Variants in ARHGAP39 observed in about 807,000 individuals in gnomAD.
The protein encoded by ARHGAP39 is rho GTPase-activating protein 39.
Under a neutral mutation model 106.9 loss-of-function variants are expected in ARHGAP39, and 44 were observed. The observed-to-expected ratio is 0.41, with a 90% CI of 0.32 to 0.53. The LOEUF is 0.53. Ranked by LOEUF, ARHGAP39 falls within the 20% of genes least tolerant of loss-of-function variation. The pLI, the probability that ARHGAP39 is intolerant of heterozygous loss-of-function variation, is 0.21. For missense variants in ARHGAP39, 1,496 were observed against 1,577.3 expected, an observed-to-expected ratio of 0.95 and a Z score of 0.87; for synonymous variants, 768 against 693.2, an observed-to-expected ratio of 1.11 and a Z score of -1.69.
intron 1 of ARHGAP39, among the ~76,000 whole-genome samples, chr8:144,639,093 G>A (rs566973216): frequency 1.3e-5 from 2 of 152,260 alleles, no homozygotes; most frequent in African/African-American, 2.4e-5. Context: ...TTGGGAGGCC[G>A]AGGCAGGTAG....
At chr8:144,568,628 T>C (rs1411866619) in intron 3 of ARHGAP39, among the ~76,000 whole-genome samples, 2 of 152,144 alleles carry the variant, frequency 1.3e-5, no homozygotes, top group African/African-American at 4.8e-5. Flanking sequence ...TGATAACATG[T>C]AGAAAAGTAA....
chr8:144,675,923 G>A (rs1416504523), intron 1 of ARHGAP39, among the ~76,000 whole-genome samples: 2 of 151,718 alleles, frequency 1.3e-5, no homozygotes, highest in South Asian at 2.1e-4. Flanking sequence ...TGAGTGTTAC[G>A]GTTCATGAAG....
intron 1 of ARHGAP39, among the ~76,000 whole-genome samples, chr8:144,676,324 C>T (rs1415683973): frequency 1.3e-5 from 2 of 152,174 alleles, no homozygotes; most frequent in Non-Finnish European, 2.9e-5. Flanking sequence ...ATTTACAATA[C>T]TTTAGCTAGA....
chr8:144,641,500 C>T lies in ARHGAP39; in HGVS notation c.-81-35805G>A, dbSNP rs1821312573. 6.6e-6 allele frequency among the ~76,000 whole-genome samples: 1 copy of T among 152,128 alleles called. No individual in the cohort carries two copies. Among genetic ancestry groups the T allele is most frequent in the Non-Finnish European group, 1.5e-5 (1 of 68,028 alleles). ...CCAACTCCCGAGGCAGGAGCTCAGG[C>T]AGGGCCCTGGCAGCACCACCTGACC... On this transcript the variant is annotated intron_variant, in intron 1 of 11. Coordinates refer to ENST00000377307, the MANE Select transcript of ARHGAP39 (RefSeq NM_025251.3). The surrounding 1 kb of genome is among the most constrained non-coding windows in gnomAD (Gnocchi z 5.2).
At chr8:144,663,790 C>T (rs148570350) in intron 1 of ARHGAP39, among the ~76,000 whole-genome samples, 2 of 152,224 alleles carry the variant, frequency 1.3e-5, no homozygotes, top group African/African-American at 4.8e-5. Context: ...TGCAGCATGT[C>T]CAAACTGAAC....
At chr8:144,661,605 C>T (rs1005127317) in intron 1 of ARHGAP39, among the ~76,000 whole-genome samples, 11 of 152,142 alleles carry the variant, frequency 7.2e-5, no homozygotes, top group African/African-American at 2.4e-4. Context: ...AGGCTGGTCT[C>T]GAACTCCTGC....
chr8:144,666,957 G>GT (rs1821980632), intron 1 of ARHGAP39, among the ~76,000 whole-genome samples: 1 of 152,128 alleles, frequency 6.6e-6, no homozygotes, highest in Non-Finnish European at 1.5e-5. Context: ...CTGTCCCTTT[G>GT]AACCTTTGTA....
chr8:144,530,454 G>C lies in ARHGAP39; in HGVS notation c.3313C>G (p.Leu1105Val). The C allele has an allele frequency of 1.2e-6, 2 of 1,610,098 alleles. No individual in the cohort carries two copies. Among genetic ancestry groups the C allele is most frequent in the Non-Finnish European group, 1.7e-6 (2 of 1,178,578 alleles). Residue 1105 changes from leucine to valine, a missense_variant, in exon 12 of 12, where the codon CTG becomes GTG. Coordinates refer to ENST00000377307, the MANE Select transcript of ARHGAP39 (RefSeq NM_025251.3). ...MSFLRVLIQH[L>V]DTSFMEGVL ...ACACCCTCCATGAAGCTGGTGTCCAGGTGCTGGATGAGCACCCGCAGGAAG... is the reference window on the plus strand; with the variant it reads ...ACACCCTCCATGAAGCTGGTGTCCACGTGCTGGATGAGCACCCGCAGGAAG...
intron 2 of ARHGAP39, among the ~76,000 whole-genome samples, chr8:144,592,151 G>C (rs1819426335): frequency 1.3e-5 from 2 of 152,182 alleles, no homozygotes; most frequent in South Asian, 4.1e-4. Context: ...ACAAAGAATA[G>C]CATTTTGTTC....
intron 4 of ARHGAP39, among the ~76,000 whole-genome samples, chr8:144,553,014 G>C (rs1036708434): frequency 1.3e-5 from 2 of 152,298 alleles, no homozygotes; most frequent in East Asian, 3.9e-4. Flanking sequence ...CTCAGCCCCT[G>C]TGGGGCTGGC....
At chr8:144,595,820 C>T (rs1249930361) in intron 2 of ARHGAP39, among the ~76,000 whole-genome samples, 3 of 152,192 alleles carry the variant, frequency 2.0e-5, no homozygotes, top group Non-Finnish European at 4.4e-5. Flanking sequence ...CAGCTCCTGG[C>T]TGTACAGCCT....
rs546165715 is a variant in ARHGAP39 at position 144,529,587 on chromosome 8, A to G, written c.*835T>C. The G allele has an allele frequency of 6.6e-6, 1 of 152,292 alleles. No individual in the cohort carries two copies. Among genetic ancestry groups the G allele is most frequent in the East Asian group, 1.9e-4 (1 of 5,186 alleles). 9.4% of individuals were successfully genotyped at this position (152,292 alleles called of 1,614,324 possible). A position where few individuals can be genotyped will look rare whatever the true frequency, so the allele number is the denominator to read the frequency against. ...AAAAAGATCGGAGAAGAAAAGAAGG[A>G]ATGACCTCAACTTGCTCTGCACGGA... On this transcript the variant is annotated 3_prime_UTR_variant, in exon 12 of 12. Coordinates refer to ENST00000377307, the MANE Select transcript of ARHGAP39 (RefSeq NM_025251.3).
intron 3 of ARHGAP39, among the ~76,000 whole-genome samples, chr8:144,572,282 T>C (rs1818614463): frequency 6.6e-6 from 1 of 152,146 alleles, no homozygotes; most frequent in African/African-American, 2.4e-5. Flanking sequence ...AACAGAGCTA[T>C]AGATCAATGG....
intron 1 of ARHGAP39, among the ~76,000 whole-genome samples, chr8:144,619,907 C>T (rs553205134): frequency 6.5e-4 from 87 of 133,952 alleles, no homozygotes; most frequent in Middle Eastern, 5.8e-3. Context: ...CCTGAGAGAG[C>T]GTGTGTGCCC....
chr8:144,660,808 T>A (rs2129683177), intron 1 of ARHGAP39, among the ~76,000 whole-genome samples: 1 of 152,212 alleles, frequency 6.6e-6, no homozygotes. Flanking sequence ...GGTGAAATCC[T>A]GTCTCTACTA....
chr8:144,689,079 T>C (rs1308135508), upstream of ARHGAP39, among the ~76,000 whole-genome samples: 2 of 152,146 alleles, frequency 1.3e-5, no homozygotes, highest in African/African-American at 4.8e-5. Context: ...AGAAAAGGTC[T>C]ATTGTTTAAT....
At chr8:144,600,456 G>A (rs1295520718) in intron 2 of ARHGAP39, among the ~76,000 whole-genome samples, 1 of 145,306 alleles carries the variant, frequency 6.9e-6, no homozygotes, top group Non-Finnish European at 1.5e-5. Context: ...ATGTGCACTT[G>A]GGTACCTACC....
At chr8:144,692,761 T>C in the ARHGAP39 span, among the ~76,000 whole-genome samples, 2 of 147,032 alleles carry the variant, frequency 1.4e-5, no homozygotes, top group Non-Finnish European at 3.0e-5. Flanking sequence ...TTTTTTTTTT[T>C]TTTTTTTTTT....
At chr8:144,558,550 C>A (rs1220063280) in intron 3 of ARHGAP39, among the ~76,000 whole-genome samples, 3 of 151,486 alleles carry the variant, frequency 2.0e-5, no homozygotes, top group Non-Finnish European at 4.4e-5. Flanking sequence ...GCCTTGGCCT[C>A]CCAAAGTGCT....
Sources: allele counts gnomAD v4.1 joint callset (sites outside exome capture counted in the v4.1 genomes callset), GRCh38; gene constraint gnomAD v4.1.1; non-coding constraint Gnocchi (gnomAD v3.1); transcripts MANE v1.5; gene names NCBI Gene and HGNC (gene_info 2026-07-23, HGNC 2026-07-21).